KHDRBS2: variants seen among roughly 807,000 people sequenced by gnomAD.
The protein encoded by KHDRBS2 is KH domain-containing, RNA-binding, signal transduction-associated protein 2.
KHDRBS2 carries 26 observed loss-of-function variants against 44.3 expected under a neutral mutation model. The observed-to-expected ratio is 0.59, with a 90% CI of 0.43 to 0.81. The LOEUF is 0.81. Among genes scored for constraint, KHDRBS2 ranks in the 40% least tolerant of loss-of-function variants. The probability of loss-of-function intolerance (pLI) is 0.00; values close to 1 mark genes in which losing one functional copy is unlikely to be tolerated. For synonymous variants in KHDRBS2, 194 were observed against 151.1 expected, an observed-to-expected ratio of 1.28 and a Z score of -2.08; for missense variants, 476 against 433.1, an observed-to-expected ratio of 1.10 and a Z score of -0.88.
chr6:61,546,706 A>T, the KHDRBS2 span, among the ~76,000 whole-genome samples: 5 of 152,140 alleles, frequency 3.3e-5, no homozygotes, highest in African/African-American at 1.2e-4. Context: ...GGGGTAAATC[A>T]AAGAATAAAT....
intron 3 of KHDRBS2, among the ~76,000 whole-genome samples, chr6:62,027,829 A>C (rs992322512): frequency 6.6e-6 from 1 of 152,104 alleles, no homozygotes; most frequent in African/African-American, 2.4e-5. Flanking sequence ...AACTTGCCCT[A>C]TGCATTTCTT....
At chr6:61,857,888 A>G (rs1292370464) in intron 6 of KHDRBS2, among the ~76,000 whole-genome samples, 1 of 152,020 alleles carries the variant, frequency 6.6e-6, no homozygotes, top group Non-Finnish European at 1.5e-5. Flanking sequence ...TATGACTTTT[A>G]TATATAGGAC....
intron 1 of KHDRBS2, among the ~76,000 whole-genome samples, chr6:62,230,283 G>C (rs1382527990): frequency 1.3e-5 from 2 of 152,166 alleles, no homozygotes; most frequent in Non-Finnish European, 2.9e-5. Context: ...GAAATTAAAT[G>C]ACAAATATGA....
chr6:62,057,126 T>C (rs1790467783), intron 2 of KHDRBS2, among the ~76,000 whole-genome samples: 1 of 150,912 alleles, frequency 6.6e-6, no homozygotes, highest in South Asian at 2.1e-4. Flanking sequence ...TATAAAAGTA[T>C]TTTAAGTAAG....
chr6:62,129,675 G>C (rs1350337626), intron 2 of KHDRBS2, among the ~76,000 whole-genome samples: 1 of 152,042 alleles, frequency 6.6e-6, no homozygotes, highest in Non-Finnish European at 1.5e-5. Flanking sequence ...CTACTCAAGA[G>C]ACTATTTAAA....
chr6:62,101,820 C>T lies in KHDRBS2; in HGVS notation c.220-53826G>A, dbSNP rs866309600. Among the ~76,000 whole-genome samples, 5 of 152,174 alleles carry T rather than the reference C, an allele frequency of 3.3e-5. No individual in the cohort carries two copies. The Middle Eastern group carries it at 0.01, about 311-fold the overall frequency. On this transcript the variant is annotated intron_variant, in intron 2 of 8. Coordinates refer to ENST00000281156, the MANE Select transcript of KHDRBS2 (RefSeq NM_152688.4). ...AAGACCTAAAATTCAATGCAAATAC[C>T]ACATGACTTTCTTCTTTATTTCTGC...
At chr6:62,008,303 T>G (rs190377377) in intron 3 of KHDRBS2, among the ~76,000 whole-genome samples, 14 of 152,302 alleles carry the variant, frequency 9.2e-5, no homozygotes, top group African/African-American at 3.1e-4. Flanking sequence ...CAAAAGACTC[T>G]TTTTTCCTAG....
intron 4 of KHDRBS2, among the ~76,000 whole-genome samples, chr6:61,957,487 G>A (rs2127391042): frequency 6.7e-6 from 1 of 149,280 alleles, no homozygotes; most frequent in East Asian, 2.0e-4. Flanking sequence ...CCTGAGGGGA[G>A]GTCTCTAAAA....
In KHDRBS2 at chr6:61,835,322, G is replaced by A. The variant is rs1792471093; in HGVS notation, c.810+59313C>T. On this transcript the variant is annotated intron_variant, in intron 6 of 8. Transcript: ENST00000281156. ...TGTTTCTTATTAATGTATCTTAACT[G>A]CAATGGCAATGAGGCATGAAAAGAG... Among the ~76,000 whole-genome samples the A allele has an allele frequency of 2.6e-5, 4 of 152,032 alleles. No individual in the cohort carries two copies. The South Asian group carries it at 8.3e-4, about 31-fold the overall frequency.
At chr6:61,757,168 T>C (rs138554736) in intron 6 of KHDRBS2, among the ~76,000 whole-genome samples, 30 of 152,276 alleles carry the variant, frequency 2.0e-4, no homozygotes, top group Middle Eastern at 3.4e-3. Flanking sequence ...GTTCTATAAT[T>C]GTCAATTAGG....
intron 6 of KHDRBS2, among the ~76,000 whole-genome samples, chr6:61,785,356 C>T (rs1033373148): frequency 6.6e-6 from 1 of 151,978 alleles, no homozygotes; most frequent in African/African-American, 2.4e-5. Flanking sequence ...AAGTAATATT[C>T]CTATTTTTTG....
At chr6:62,107,174 G>A (rs1359306517) in intron 2 of KHDRBS2, among the ~76,000 whole-genome samples, 1 of 151,976 alleles carries the variant, frequency 6.6e-6, no homozygotes, top group African/African-American at 2.4e-5. Flanking sequence ...CAGATGACAT[G>A]ATTGTATATC....
intron 2 of KHDRBS2, among the ~76,000 whole-genome samples, chr6:62,119,807 C>T (rs1041659923): frequency 6.6e-6 from 1 of 152,126 alleles, no homozygotes; most frequent in African/African-American, 2.4e-5. Context: ...CAGTGATGGC[C>T]TCTCTTGAGG....
the KHDRBS2 span, among the ~76,000 whole-genome samples, chr6:61,656,435 A>C: frequency 6.6e-6 from 1 of 152,052 alleles, no homozygotes; most frequent in Non-Finnish European, 1.5e-5. Context: ...GAGCCTAGGC[A>C]GTCTAACAAA....
At chr6:62,073,173 T>C (rs1761184083) in intron 2 of KHDRBS2, among the ~76,000 whole-genome samples, 1 of 151,832 alleles carries the variant, frequency 6.6e-6, no homozygotes, top group Admixed American at 6.6e-5. Context: ...GTAAAACTCA[T>C]TAGTGAAGAT....
chr6:62,274,822 T>A (rs1229677957), intron 1 of KHDRBS2, among the ~76,000 whole-genome samples: 1 of 152,078 alleles, frequency 6.6e-6, no homozygotes, highest in African/African-American at 2.4e-5. Flanking sequence ...AATGTAAATC[T>A]CAAATAGTAA....
chr6:61,858,394 G>C (rs1453555122), intron 6 of KHDRBS2, among the ~76,000 whole-genome samples: 5 of 151,018 alleles, frequency 3.3e-5, no homozygotes, highest in Non-Finnish European at 5.9e-5. Flanking sequence ...TTAAAATCTG[G>C]CATAAGTTTT....
intron 6 of KHDRBS2, among the ~76,000 whole-genome samples, chr6:61,768,822 C>T (rs1780392100): frequency 6.6e-6 from 1 of 151,954 alleles, no homozygotes; most frequent in Admixed American, 6.6e-5. Context: ...ATTTTTTGGT[C>T]TTATAAAAGT....
intron 1 of KHDRBS2, among the ~76,000 whole-genome samples, chr6:62,226,089 T>C (rs1349280293): frequency 6.6e-6 from 1 of 152,198 alleles, no homozygotes. Context: ...TACTTCTGGT[T>C]CTAGATCATT....
Sources: gnomAD v4.1 joint callset for allele counts (sites outside exome capture counted in the v4.1 genomes callset) on GRCh38, gnomAD v4.1.1 for gene constraint, MANE v1.5 for transcripts, NCBI Gene and HGNC (gene_info 2026-07-23, HGNC 2026-07-21) for gene names.